Variants in ANK3 observed in about 807,000 individuals in gnomAD.
ANK3 encodes the protein ankyrin-3.
ANK3 carries 57 observed loss-of-function variants against 370.9 expected under a neutral mutation model. That is an observed-to-expected ratio of 0.15 (90% confidence interval 0.12 to 0.19). ANK3 has a LOEUF of 0.19. ANK3 is among the 10% of genes least tolerant of loss of function. The probability of loss-of-function intolerance (pLI) is 1.00; values close to 1 mark genes in which losing one functional copy is unlikely to be tolerated. For missense variants in ANK3, 4,439 were observed against 5,302.1 expected (o/e 0.84, Z 5.06); for synonymous variants, 1,929 against 1,946.3 (o/e 0.99, Z 0.23).
chr10:60,716,075 T>C (rs900029891), intron 1 of ANK3, among the ~76,000 whole-genome samples: 2 of 152,198 alleles, frequency 1.3e-5, no homozygotes, highest in Non-Finnish European at 2.9e-5. Flanking sequence ...TATTCAAGTT[T>C]TTCTTGTGTA....
At chr10:60,421,238 T>C (rs1367059863) in intron 2 of ANK3, among the ~76,000 whole-genome samples, 1 of 152,082 alleles carries the variant, frequency 6.6e-6, no homozygotes, top group Admixed American at 6.6e-5. Flanking sequence ...AAAAGAATTT[T>C]GGAGATAGAT....
chr10:60,412,708 G>C (rs2063584428), intron 2 of ANK3, among the ~76,000 whole-genome samples: 1 of 152,190 alleles, frequency 6.6e-6, no homozygotes, highest in East Asian at 1.9e-4. Flanking sequence ...GAGACTGTCT[G>C]TAATTTTCAC....
chr10:60,336,525 T>C (rs1292661156), intron 1 of ANK3, among the ~76,000 whole-genome samples: 1 of 152,098 alleles, frequency 6.6e-6, no homozygotes, highest in Non-Finnish European at 1.5e-5. Context: ...GCCAAAATGG[T>C]CATAGTAGTT....
intron 7 of ANK3, among the ~76,000 whole-genome samples, chr10:60,251,370 A>G (rs1186715116): frequency 1.3e-5 from 2 of 152,036 alleles, no homozygotes; most frequent in Non-Finnish European, 2.9e-5. Context: ...GGGACACCTC[A>G]CTGCTCCATT....
At chr10:60,733,433 G>C in exon 1 of ANK3, 1 of 978,900 alleles carries the variant, frequency 1.0e-6, no homozygotes. Context: ...CGCGGCTCAG[G>C]AACACCAAGC....
rs555825430 is a variant in ANK3 at position 60,285,813 on chromosome 10, C to T, written c.115-6174G>A. On this transcript the variant is annotated intron_variant, in intron 1 of 43. Coordinates refer to ENST00000280772, the MANE Select transcript of ANK3 (RefSeq NM_020987.5). ...TATAATGCATCTGCCTGCAACCAGACGCTAACAACAGAAATATGAACAATA... is the reference window on the plus strand; with the variant it reads ...TATAATGCATCTGCCTGCAACCAGATGCTAACAACAGAAATATGAACAATA... Among the ~76,000 whole-genome samples the T allele has an allele frequency of 3.9e-5, 6 of 152,242 alleles. No individual in the cohort carries two copies. In the South Asian group the frequency reaches 6.2e-4, roughly 16 times the overall value.
chr10:60,026,757 A>G lies in ANK3; in HGVS notation c.*3089T>C, dbSNP rs2072423848. ...GTATTGAAATAATACTGCATAGTGT[A>G]TTGCCATAATTTGGCAATACAGTGA... On this transcript the variant is annotated 3_prime_UTR_variant, in exon 44 of 44. Transcript: ENST00000280772. The G allele has an allele frequency of 6.6e-6, 1 of 152,236 alleles. No individual in the cohort carries two copies. Among genetic ancestry groups the G allele is most frequent in the African/African-American group, 2.4e-5 (1 of 41,466 alleles). The allele number at this position is 152,236 out of a possible 1,614,324, so 9.4% of individuals were successfully genotyped here.
chr10:60,450,389 G>T (rs2064567339), intron 2 of ANK3, among the ~76,000 whole-genome samples: 2 of 152,136 alleles, frequency 1.3e-5, no homozygotes, highest in Non-Finnish European at 2.9e-5. Context: ...CTGATTTCGA[G>T]CTGCCAAAAG....
chr10:60,097,701 T>C (rs1047443159), intron 28 of ANK3, among the ~76,000 whole-genome samples: 3 of 152,324 alleles, frequency 2.0e-5, no homozygotes, highest in Non-Finnish European at 2.9e-5. Context: ...CTCACTCTTA[T>C]GGGCACACAA....
At chr10:60,181,476 A>T (rs974609833) in intron 17 of ANK3, 49 bp from the exon 18 acceptor site, 6 of 1,511,358 alleles carry the variant, frequency 4.0e-6, no homozygotes, top group Middle Eastern at 1.7e-4. Context: ...GGAATGTCAC[A>T]CACATAGCCA....
Position 60,186,658 on chromosome 10 carries a change from T to C in ANK3, c.2085+57A>G, listed in dbSNP as rs752773934. On this transcript the variant is annotated intron_variant, in intron 17 of 43. Transcript: ENST00000280772. ...ATCTTCTGTGAATTCTTAGTGACCTTTCTGAGGGGTGAGGTTTTGGTGTGC... is the reference window on the plus strand; with the variant it reads ...ATCTTCTGTGAATTCTTAGTGACCTCTCTGAGGGGTGAGGTTTTGGTGTGC... 22 of 1,544,712 alleles carry C rather than the reference T, an allele frequency of 1.4e-5. 1 individual carries two copies. Among genetic ancestry groups the C allele is most frequent in the Non-Finnish European group, 2.0e-5 (22 of 1,123,662 alleles).
rs1280972586 is a variant in ANK3 at position 60,166,819 on chromosome 10, C to T, written c.2551+5G>A. ...TTATTGTGAACTCAAAGAACATTTT[C>T]ATACCTTCATCATCAGACATATCAA... On this transcript the variant is annotated splice_donor_5th_base_variant and intron_variant, in intron 22 of 43. Transcript: ENST00000280772. 6.2e-7 allele frequency: 1 copy of T among 1,613,564 alleles called. No individual in the cohort carries two copies. Among genetic ancestry groups the T allele is most frequent in the Non-Finnish European group, 8.5e-7 (1 of 1,179,550 alleles).
intron 23 of ANK3, among the ~76,000 whole-genome samples, chr10:60,150,764 C>G (rs747820035): frequency 2.6e-5 from 4 of 152,100 alleles, no homozygotes; most frequent in Non-Finnish European, 4.4e-5. Context: ...TGAATAGAAG[C>G]TTCCTGAGGC....
intron 1 of ANK3, among the ~76,000 whole-genome samples, chr10:60,330,830 G>A (rs1459469706): frequency 1.3e-5 from 2 of 151,990 alleles, no homozygotes; most frequent in African/African-American, 2.4e-5. Context: ...TGTTTATTGC[G>A]GCACTGTTCA....
intron 2 of ANK3, among the ~76,000 whole-genome samples, chr10:60,554,511 C>T (rs944244633): frequency 5.9e-5 from 9 of 151,930 alleles, no homozygotes; most frequent in African/African-American, 2.2e-4. Flanking sequence ...AACGATGAAG[C>T]CAAAAATTGC....
chr10:60,426,240 C>G (rs2063884482), intron 2 of ANK3, among the ~76,000 whole-genome samples: 1 of 151,948 alleles, frequency 6.6e-6, no homozygotes, highest in South Asian at 2.1e-4. Context: ...TGGTTGATGC[C>G]TTTTCATCAT....
intron 2 of ANK3, chr10:60,572,601 G>A (rs1332346803): frequency 1.3e-6 from 2 of 1,518,732 alleles, no homozygotes; most frequent in Non-Finnish European, 1.8e-6. Context: ...CCACGGCAAA[G>A]AGTCAAAGCA....
chr10:60,356,388 G>A (rs2057748781), intron 1 of ANK3, among the ~76,000 whole-genome samples: 1 of 152,182 alleles, frequency 6.6e-6, no homozygotes, highest in African/African-American at 2.4e-5. Flanking sequence ...TGGAAAGATT[G>A]TATGCTCAGA....
intron 1 of ANK3, among the ~76,000 whole-genome samples, chr10:60,625,323 G>A (rs1301798957): frequency 6.6e-6 from 1 of 152,170 alleles, no homozygotes; most frequent in Non-Finnish European, 1.5e-5. Flanking sequence ...TGTTGTTTAA[G>A]CCACTGTGCT....
Sources: allele counts gnomAD v4.1 joint callset (sites outside exome capture counted in the v4.1 genomes callset), GRCh38; gene constraint gnomAD v4.1.1; transcripts MANE v1.5; gene names NCBI Gene and HGNC (gene_info 2026-07-23, HGNC 2026-07-21).